LRFN5: variants seen among roughly 807,000 people sequenced by gnomAD.
The protein encoded by LRFN5 is leucine rich repeat and fibronectin type III domain containing 5.
Under a neutral mutation model 45.6 loss-of-function variants are expected in LRFN5, and 24 were observed. The observed-to-expected ratio is 0.53, with a 90% CI of 0.38 to 0.74. The LOEUF is 0.74. LRFN5 is among the 30% of genes least tolerant of loss of function. The pLI is 0.00. For missense variants in LRFN5, 776 were observed against 861.5 expected (o/e 0.90, Z 1.24); for synonymous variants, 340 against 313.8 (o/e 1.08, Z -0.88).
chr14:41,805,287 A>G (rs994870155), intron 2 of LRFN5, among the ~76,000 whole-genome samples: 4 of 151,152 alleles, frequency 2.6e-5, no homozygotes, highest in Admixed American at 6.6e-5. Flanking sequence ...TTATTTTTAT[A>G]TATTATAGAA....
intron 2 of LRFN5, among the ~76,000 whole-genome samples, chr14:41,808,757 G>A (rs2138986772): frequency 6.6e-6 from 1 of 152,160 alleles, no homozygotes; most frequent in African/African-American, 2.4e-5. Flanking sequence ...TTAGATGTGT[G>A]TCATTTAACA....
intron 1 of LRFN5, among the ~76,000 whole-genome samples, chr14:41,713,766 A>G (rs1389602215): frequency 6.6e-6 from 1 of 152,142 alleles, no homozygotes; most frequent in Non-Finnish European, 1.5e-5. Flanking sequence ...TTGCCTGCTG[A>G]TGAGAGGTAA....
intron 2 of LRFN5, among the ~76,000 whole-genome samples, chr14:41,878,888 C>G (rs902400969): frequency 6.6e-6 from 1 of 151,994 alleles, no homozygotes; most frequent in South Asian, 2.1e-4. Context: ...ATAAATATGT[C>G]AAGGATCAGT....
At chr14:41,657,900 G>T (rs1025650216) in intron 1 of LRFN5, among the ~76,000 whole-genome samples, 2 of 151,176 alleles carry the variant, frequency 1.3e-5, no homozygotes, top group Non-Finnish European at 3.0e-5. Flanking sequence ...AGGTAAAAGA[G>T]CTTGTTGAAA....
chr14:41,770,662 C>T (rs766430184), intron 2 of LRFN5, among the ~76,000 whole-genome samples: 1 of 152,188 alleles, frequency 6.6e-6, no homozygotes, highest in Admixed American at 6.5e-5. Context: ...CTTGGGTAGC[C>T]CTGTGCCTGT....
chr14:41,804,583 T>C (rs1308427997), intron 2 of LRFN5, among the ~76,000 whole-genome samples: 1 of 152,054 alleles, frequency 6.6e-6, no homozygotes, highest in African/African-American at 2.4e-5. Context: ...TTTACAAAGG[T>C]GGTTCAGTTT....
intron 1 of LRFN5, among the ~76,000 whole-genome samples, chr14:41,690,245 G>A (rs908505702): frequency 8.6e-5 from 13 of 151,836 alleles, no homozygotes; most frequent in African/African-American, 3.1e-4. Flanking sequence ...AAATACAAAA[G>A]TAAATAAAGA....
intron 1 of LRFN5, among the ~76,000 whole-genome samples, chr14:41,690,941 C>T (rs1882354141): frequency 6.6e-6 from 1 of 151,764 alleles, no homozygotes; most frequent in Non-Finnish European, 1.5e-5. Context: ...TATTTTTAGG[C>T]TTATTAGTGA....
At chr14:41,828,054 G>A (rs115104739) in intron 2 of LRFN5, among the ~76,000 whole-genome samples, 1 of 152,052 alleles carries the variant, frequency 6.6e-6, no homozygotes, top group African/African-American at 2.4e-5. Flanking sequence ...GTAAAAATAA[G>A]TATGTATTGT....
intron 2 of LRFN5, among the ~76,000 whole-genome samples, chr14:41,768,188 A>T (rs1885956463): frequency 6.6e-6 from 1 of 152,174 alleles, no homozygotes; most frequent in Admixed American, 6.5e-5. Flanking sequence ...TTAGAAGAAC[A>T]GAAAAACTGT....
At position 41,641,150 on chromosome 14, in the gene LRFN5, T is replaced by C. The variant is rs111803005; in HGVS notation, c.-197+32588T>C. Among the ~76,000 whole-genome samples, 962 of 152,220 alleles carry C rather than the reference T, an allele frequency of 6.3e-3. 15 individuals are homozygous for C. The highest frequency in any genetic ancestry group is 0.023 in the African/African-American group (937 of 41,554). The stretch of plus-strand genomic sequence containing the variant: ...TAATGTAAAACCACAGCACAGTAAC[T>C]TGAGACATATTTGATAATTCCCGGA... On this transcript the variant is annotated intron_variant, in intron 1 of 5. Coordinates refer to ENST00000298119, the MANE Select transcript of LRFN5 (RefSeq NM_152447.5).
At chr14:41,833,588 G>T (rs1888558536) in intron 2 of LRFN5, among the ~76,000 whole-genome samples, 1 of 152,156 alleles carries the variant, frequency 6.6e-6, no homozygotes, top group Non-Finnish European at 1.5e-5. Context: ...GTCTTTCAAT[G>T]TCACTTTTAT....
intron 1 of LRFN5, among the ~76,000 whole-genome samples, chr14:41,610,683 A>AAAAAAAAAAAAAAAAAAAAT (rs1887720009): frequency 2.1e-5 from 3 of 144,658 alleles, no homozygotes; most frequent in Admixed American, 7.0e-5. Context: ...AAAAAAAAAA[A>AAAAAAAAAAAAAAAAAAAAT]GTGTATTGCC....
chr14:41,767,406 A>C (rs1473977828), intron 2 of LRFN5, among the ~76,000 whole-genome samples: 2 of 152,200 alleles, frequency 1.3e-5, no homozygotes, highest in East Asian at 3.9e-4. Flanking sequence ...CTTGGCTAAT[A>C]AACTATGAAA....
chr14:41,612,177 A>G (rs1301175122), intron 1 of LRFN5, among the ~76,000 whole-genome samples: 1 of 152,130 alleles, frequency 6.6e-6, no homozygotes, highest in African/African-American at 2.4e-5. Flanking sequence ...TTGCTGTGAT[A>G]TATGGTTGGG....
chr14:41,710,328 T>C (rs1277967763), intron 1 of LRFN5, among the ~76,000 whole-genome samples: 4 of 152,168 alleles, frequency 2.6e-5, no homozygotes, highest in Non-Finnish European at 5.9e-5. Flanking sequence ...AGTGGCATAC[T>C]CTTGCATCAT....
intron 2 of LRFN5, among the ~76,000 whole-genome samples, chr14:41,846,233 G>GCACACA (rs1217728815): frequency 2.3e-5 from 2 of 87,796 alleles, no homozygotes; most frequent in African/African-American, 4.7e-5. Context: ...ACACACACAC[G>GCACACA]CACACACACA....
intron 1 of LRFN5, among the ~76,000 whole-genome samples, chr14:41,647,667 G>T (rs1230952457): frequency 2.0e-5 from 3 of 152,154 alleles, no homozygotes; most frequent in African/African-American, 7.2e-5. Context: ...AGGATAAAGT[G>T]TTCAGGTTTG....
chr14:41,704,792 G>A (rs1945009052), intron 1 of LRFN5, among the ~76,000 whole-genome samples: 1 of 151,970 alleles, frequency 6.6e-6, no homozygotes, highest in African/African-American at 2.4e-5. Flanking sequence ...CAGGAAATAA[G>A]TATCTTTTAA....
Sources: allele counts gnomAD v4.1 joint callset (sites outside exome capture counted in the v4.1 genomes callset), GRCh38; gene constraint gnomAD v4.1.1; transcripts MANE v1.5; gene names NCBI Gene and HGNC (gene_info 2026-07-23, HGNC 2026-07-21).